Variants in AHRR observed in about 807,000 individuals in gnomAD.
AHRR encodes the protein aryl hydrocarbon receptor repressor, also known as ahR repressor.
AHRR carries 28 observed loss-of-function variants against 44.0 expected under a neutral mutation model. The ratio of observed to expected loss-of-function variants is 0.64; its 90% CI spans 0.47 to 0.87. The LOEUF (loss-of-function observed/expected upper bound fraction) is 0.87, where lower values mean the gene tolerates loss of function less well. Ranked by LOEUF, AHRR falls within the 40% of genes least tolerant of loss-of-function variation. The probability of loss-of-function intolerance (pLI) is 0.00; values close to 1 mark genes in which losing one functional copy is unlikely to be tolerated. For missense variants in AHRR, 990 were observed against 953.9 expected (o/e 1.04, Z -0.50); for synonymous variants, 434 against 407.0 (o/e 1.07, Z -0.80).
chr5:438,259 G>C lies in AHRR; in HGVS notation c.*3425G>C, dbSNP rs1456643631. The C allele has an allele frequency of 6.6e-6, 1 of 152,362 alleles. No individual in the cohort carries two copies. The highest frequency in any genetic ancestry group is 6.5e-5 in the Admixed American group (1 of 15,284). 9.4% of individuals were successfully genotyped at this position (152,362 alleles called of 1,614,324 possible). On this transcript the variant is annotated 3_prime_UTR_variant, in exon 11 of 11. Coordinates refer to ENST00000684583, the MANE Select transcript of AHRR (RefSeq NM_001377236.1). ...TTTGCAATATTGATGTAAAATACAT[G>C]ACATGCTAGTACATGTTTAACAAAA...
rs752865107 is a variant in AHRR, at chr5:376,630, C to T, written c.265C>T (p.Arg89Trp). 19 of 1,257,478 alleles carry T rather than the reference C, an allele frequency of 1.5e-5. No individual in the cohort carries two copies. The highest frequency in any genetic ancestry group is 1.1e-4 in the African/African-American group (5 of 46,956). The allele number at this position is 1,257,478 out of a possible 1,614,324, so 77.9% of individuals were successfully genotyped here. A position where few individuals can be genotyped will look rare whatever the true frequency, so the allele number is the denominator to read the frequency against. Residue 89 changes from arginine (R) to tryptophan (W), a missense_variant, in exon 4 of 11, where the codon CGG becomes TGG. By Grantham distance (101) the Arg-to-Trp change is moderately radical (BLOSUM62 -3). Transcript: ENST00000684583. The part of the protein sequence containing the change: ...FFQVVQEQSS[R>W]QPAAGAPSPG... Reference sequence around the variant, plus strand: ...GACAGTCGTGCAGGAGCAGAGCTCACGGCAGCCTGCGGCCGGCGCCCCCTC... The same window carrying T: ...GACAGTCGTGCAGGAGCAGAGCTCATGGCAGCCTGCGGCCGGCGCCCCCTC...
At chr5:361,652 T>G (rs543157253) in intron 3 of AHRR, among the ~76,000 whole-genome samples, 47 of 152,312 alleles carry the variant, frequency 3.1e-4, no homozygotes, top group African/African-American at 8.9e-4. Context: ...CGCTTTGCCT[T>G]GCTAGACGTG....
At chr5:367,179 C>T (rs544701437) in intron 3 of AHRR, among the ~76,000 whole-genome samples, 2 of 152,282 alleles carry the variant, frequency 1.3e-5, no homozygotes, top group Admixed American at 6.5e-5. Context: ...CCTGGGGGGT[C>T]GCCGCAGATC....
At chr5:390,969 A>G (rs968294794) in intron 4 of AHRR, among the ~76,000 whole-genome samples, 1 of 152,092 alleles carries the variant, frequency 6.6e-6, no homozygotes, top group East Asian at 1.9e-4. Context: ...CCAGCCACAG[A>G]AGGGGTCTGG....
Position 404,846 on chromosome 5 carries a change from A to C in AHRR, c.352-8498A>C, listed in dbSNP as rs914304790. ...TGATTATCCAGCTTGCTAATCTGCC[A>C]GCGGGCACCACCTGCCATTCCTCCT... On this transcript the variant is annotated intron_variant, in intron 4 of 10. Transcript: ENST00000684583. This position sits in a 1 kb window ranked among gnomAD's most constrained non-coding sequence, Gnocchi z 4.1. Among the ~76,000 whole-genome samples the C allele has an allele frequency of 2.0e-5, 3 of 152,176 alleles. No individual in the cohort carries two copies. Among genetic ancestry groups the C allele is most frequent in the Non-Finnish European group, 4.4e-5 (3 of 68,034 alleles).
At chr5:334,244 G>A (rs1326839498) in intron 1 of AHRR, among the ~76,000 whole-genome samples, 1 of 152,074 alleles carries the variant, frequency 6.6e-6, no homozygotes, top group African/African-American at 2.4e-5. Flanking sequence ...TCCTGTGTCT[G>A]GATGCTTAGA....
rs1735174509 is a variant in AHRR, at chr5:404,501, AC to A, written c.352-8842del. On this transcript the variant is annotated intron_variant, in intron 4 of 10. Coordinates refer to ENST00000684583, the MANE Select transcript of AHRR (RefSeq NM_001377236.1). The surrounding 1 kb of genome is among the most constrained non-coding windows in gnomAD (Gnocchi z 4.1). ...AAACATCTAACGCAACTATTTTCAG[AC>A]TTTACGGTTTGTAGTGATAACCTCT... 6 of 450,836 alleles carry A rather than the reference AC, an allele frequency of 1.3e-5. No individual in the cohort carries two copies. Among genetic ancestry groups the A allele is most frequent in the South Asian group, 1.8e-5 (1 of 55,944 alleles). The allele number at this position is 450,836 out of a possible 1,614,324, so 27.9% of individuals were successfully genotyped here.
rs1180444589 is a variant in AHRR, at chr5:435,026, A to G, written c.*192A>G. ...ATCCTGAATTTTGTAAAATATCCCA[A>G]CAGTTCTTAAATGAAAACTGGCCTT... On this transcript the variant is annotated 3_prime_UTR_variant, in exon 11 of 11. Transcript: ENST00000684583. The G allele has an allele frequency of 1.3e-6, 1 of 746,148 alleles. No homozygotes were observed. The highest frequency in any genetic ancestry group is 3.1e-5 in the Admixed American group (1 of 31,906). 46.2% of individuals were successfully genotyped at this position (746,148 alleles called of 1,614,324 possible). A position where few individuals can be genotyped will look rare whatever the true frequency, so the allele number is the denominator to read the frequency against.
At chr5:386,279 G>A (rs1230230327) in intron 4 of AHRR, among the ~76,000 whole-genome samples, 1 of 152,144 alleles carries the variant, frequency 6.6e-6, no homozygotes, top group Non-Finnish European at 1.5e-5. Context: ...AGTAATTTAG[G>A]ATTGTGTGAT....
chr5:429,899 G>A (rs1024326664), intron 8 of AHRR, among the ~76,000 whole-genome samples: 14 of 152,142 alleles, frequency 9.2e-5, no homozygotes, highest in Non-Finnish European at 8.8e-5. Flanking sequence ...GGGTTGCCAC[G>A]GCCCTGTGTT....
intron 4 of AHRR, among the ~76,000 whole-genome samples, chr5:378,977 C>G (rs1733862127): frequency 6.6e-6 from 1 of 152,208 alleles, no homozygotes; most frequent in Admixed American, 6.5e-5. Flanking sequence ...TGGGATGTGA[C>G]TGCCACCGTC....
At chr5:333,527 C>T (rs1422904492) in intron 1 of AHRR, among the ~76,000 whole-genome samples, 2 of 151,980 alleles carry the variant, frequency 1.3e-5, no homozygotes, top group African/African-American at 2.4e-5. Context: ...ACCTGGGAGG[C>T]GGAGGTTGCA....
At chr5:415,697 C>CCGAACCTGCCTGGTCTGCTG (rs1560916484) in intron 5 of AHRR, among the ~76,000 whole-genome samples, 2 of 151,546 alleles carry the variant, frequency 1.3e-5, no homozygotes, top group Non-Finnish European at 1.5e-5. Context: ...GGCCTAGGGG[C>CCGAACCTGCCTGGTCTGCTG]GGAGTCTGCC....
chr5:385,797 C>T (rs1212413906), intron 4 of AHRR, among the ~76,000 whole-genome samples: 1 of 152,152 alleles, frequency 6.6e-6, no homozygotes, highest in Non-Finnish European at 1.5e-5. Context: ...GGAAATTATT[C>T]TTTATGGCAC....
chr5:429,582 C>T (rs928702642), intron 8 of AHRR, among the ~76,000 whole-genome samples: 11 of 152,374 alleles, frequency 7.2e-5, no homozygotes, highest in Non-Finnish European at 1.3e-4. Context: ...TCCTCGGCCC[C>T]TCGGCGCTGC....
At chr5:431,406 T>C (rs1736725331) in intron 8 of AHRR, among the ~76,000 whole-genome samples, 1 of 152,212 alleles carries the variant, frequency 6.6e-6, no homozygotes, top group South Asian at 2.1e-4. Context: ...CTGACTCCCA[T>C]GAGCCGAAGG....
At chr5:422,332 G>A in intron 5 of AHRR, 1 of 303,462 alleles carries the variant, frequency 3.3e-6, no homozygotes, top group Non-Finnish European at 6.4e-6. Flanking sequence ...TTGAGGCCTG[G>A]GTGTCAGGAA....
In AHRR at chr5:435,148, C is replaced by T; in HGVS notation, c.*314C>T. ...AGCTTCATGCCCCAGAGGCAGCGAGCACCCGTCCCATGGCTGCCAAGTCCA... is the reference window on the plus strand; with the variant it reads ...AGCTTCATGCCCCAGAGGCAGCGAGTACCCGTCCCATGGCTGCCAAGTCCA... On this transcript the variant is annotated 3_prime_UTR_variant, in exon 11 of 11. Transcript: ENST00000684583. 3.1e-6 allele frequency: 1 copy of T among 326,646 alleles called. No individual in the cohort carries two copies. Among genetic ancestry groups the T allele is most frequent in the Non-Finnish European group, 5.7e-6 (1 of 176,904 alleles). The allele number at this position is 326,646 out of a possible 1,614,324, so 20.2% of individuals were successfully genotyped here. A position where few individuals can be genotyped will look rare whatever the true frequency, so the allele number is the denominator to read the frequency against.
chr5:371,714 C>T (rs913765311), intron 3 of AHRR, among the ~76,000 whole-genome samples: 2 of 152,214 alleles, frequency 1.3e-5, no homozygotes, highest in Non-Finnish European at 2.9e-5. Flanking sequence ...CCCGTGGTCG[C>T]TGTTGAAGCC....
Sources: gnomAD v4.1 joint callset for allele counts (sites outside exome capture counted in the v4.1 genomes callset) on GRCh38, gnomAD v4.1.1 for gene constraint, Gnocchi (gnomAD v3.1) non-coding constraint, MANE v1.5 for transcripts, NCBI Gene and HGNC (gene_info 2026-07-23, HGNC 2026-07-21) for gene names.